The following HMBOX1 variants were observed in gnomAD, a reference collection of about 807,000 sequenced individuals.
The protein encoded by HMBOX1 is homeobox containing 1, also known as homeobox-containing protein 1.
In HMBOX1, 14 loss-of-function variants were observed where a neutral mutation model predicts 54.5. The observed-to-expected ratio is 0.26, with a 90% CI of 0.17 to 0.40. The LOEUF (loss-of-function observed/expected upper bound fraction) is 0.40. HMBOX1 is among the 10% of genes least tolerant of loss of function. The pLI is 1.00. For missense variants in HMBOX1, 332 were observed against 514.4 expected (o/e 0.65, Z 3.43); for synonymous variants, 160 against 181.0 (o/e 0.88, Z 0.93).
At chr8:28,927,851 A>G (rs1249928437) in intron 1 of HMBOX1, among the ~76,000 whole-genome samples, 2 of 150,676 alleles carry the variant, frequency 1.3e-5, no homozygotes, top group Non-Finnish European at 3.0e-5. Flanking sequence ...AAAAAAAAAA[A>G]AAAAGCCAGG....
chr8:28,938,537 C>T (rs1290750953), intron 1 of HMBOX1, among the ~76,000 whole-genome samples: 1 of 152,090 alleles, frequency 6.6e-6, no homozygotes, highest in Non-Finnish European at 1.5e-5. Context: ...GTCCCAAACT[C>T]CTGGGCTCAG....
At chr8:28,987,723 G>A (rs1830371143) in intron 4 of HMBOX1, among the ~76,000 whole-genome samples, 1 of 152,098 alleles carries the variant, frequency 6.6e-6, no homozygotes, top group Non-Finnish European at 1.5e-5. Context: ...GCTTAAGTAA[G>A]GAACTGATGC....
intron 6 of HMBOX1, among the ~76,000 whole-genome samples, chr8:29,031,940 G>A (rs1372408119): frequency 1.3e-5 from 2 of 152,164 alleles, no homozygotes; most frequent in Admixed American, 6.5e-5. Context: ...TTTCAATGAG[G>A]TGAGAAGAGG....
Position 28,915,343 on chromosome 8 carries a change from G to A in HMBOX1, c.-58+24665G>A, listed in dbSNP as rs532446712. Among the ~76,000 whole-genome samples, 23 of 152,032 alleles carry A rather than the reference G, an allele frequency of 1.5e-4. No homozygotes were observed. The South Asian group carries it at 2.9e-3, about 19-fold the overall frequency. ...GAAGCTGAGGCGGGCGGATCACAAGGTCAGGAGATGGAGACCATCCTGGCT... is the reference window on the plus strand; with the variant it reads ...GAAGCTGAGGCGGGCGGATCACAAGATCAGGAGATGGAGACCATCCTGGCT... On this transcript the variant is annotated intron_variant, in intron 1 of 9. Transcript: ENST00000287701.
At chr8:28,908,103 T>G (rs1224735890) in intron 1 of HMBOX1, among the ~76,000 whole-genome samples, 1 of 152,218 alleles carries the variant, frequency 6.6e-6, no homozygotes, top group African/African-American at 2.4e-5. Flanking sequence ...TTTGCCTGCA[T>G]CAGCCTCCCA....
At chr8:28,912,036 C>T (rs192668878) in intron 1 of HMBOX1, among the ~76,000 whole-genome samples, 153 of 152,310 alleles carry the variant, frequency 1.0e-3, no homozygotes, top group Middle Eastern at 3.4e-3. Context: ...TGGGCCAAAT[C>T]ATCTAACCAA....
intron 3 of HMBOX1, among the ~76,000 whole-genome samples, chr8:28,971,195 C>T (rs575472526): frequency 6.7e-5 from 10 of 149,448 alleles, no homozygotes; most frequent in East Asian, 4.0e-4. Flanking sequence ...CAGGTTCAAG[C>T]GATTCTCTTG....
intron 3 of HMBOX1, among the ~76,000 whole-genome samples, chr8:28,977,494 A>G (rs1477294457): frequency 6.6e-6 from 1 of 152,186 alleles, no homozygotes; most frequent in East Asian, 1.9e-4. Context: ...TCTCTTGTAC[A>G]CTGATTATTG....
intron 4 of HMBOX1, among the ~76,000 whole-genome samples, chr8:29,004,882 T>C (rs1833202306): frequency 6.6e-6 from 1 of 152,162 alleles, no homozygotes; most frequent in African/African-American, 2.4e-5. Flanking sequence ...CCAAAGCAGC[T>C]CAAAGCATGA....
intron 1 of HMBOX1, among the ~76,000 whole-genome samples, chr8:28,906,871 C>A (rs568511057): frequency 6.6e-6 from 1 of 152,210 alleles, no homozygotes; most frequent in East Asian, 1.9e-4. Flanking sequence ...GGATTACAGG[C>A]GTGAGCCACC....
At chr8:28,978,323 C>T (rs1828773067) in intron 3 of HMBOX1, among the ~76,000 whole-genome samples, 1 of 152,182 alleles carries the variant, frequency 6.6e-6, no homozygotes, top group Non-Finnish European at 1.5e-5. Context: ...AAATAGTCTA[C>T]AGAGAGATGT....
At chr8:28,921,163 C>CG (rs1295583849) in intron 1 of HMBOX1, among the ~76,000 whole-genome samples, 1 of 152,068 alleles carries the variant, frequency 6.6e-6, no homozygotes, top group African/African-American at 2.4e-5. Context: ...GGTAAAACCC[C>CG]GTCTATACTA....
At chr8:28,929,997 A>G (rs914796647) in intron 1 of HMBOX1, among the ~76,000 whole-genome samples, 7 of 125,704 alleles carry the variant, frequency 5.6e-5, no homozygotes, top group African/African-American at 2.2e-4. Flanking sequence ...CCTGCCTCCT[A>G]CATCAGCAGT....
At chr8:29,026,669 C>CT (rs1189776498) in intron 6 of HMBOX1, among the ~76,000 whole-genome samples, 27 of 152,178 alleles carry the variant, frequency 1.8e-4, no homozygotes, top group Admixed American at 1.8e-3. Context: ...GGTTGAATAA[C>CT]TAACTTCCTA....
intron 1 of HMBOX1, among the ~76,000 whole-genome samples, chr8:28,958,515 T>G (rs958722975): frequency 6.6e-6 from 1 of 152,196 alleles, no homozygotes; most frequent in Non-Finnish European, 1.5e-5. Flanking sequence ...ATGGTTAAAA[T>G]AATTTTTTAA....
intron 4 of HMBOX1, among the ~76,000 whole-genome samples, chr8:29,004,568 A>C (rs1007193783): frequency 6.6e-6 from 1 of 152,222 alleles, no homozygotes; most frequent in African/African-American, 2.4e-5. Context: ...AATGTGAATG[A>C]GGCTGGAAAG....
At chr8:28,984,516 A>G (rs1243349595) in intron 4 of HMBOX1, among the ~76,000 whole-genome samples, 1 of 152,202 alleles carries the variant, frequency 6.6e-6, no homozygotes, top group Non-Finnish European at 1.5e-5. Context: ...TATCCTACTG[A>G]TAGGAAAAAT....
chr8:28,903,659 CT>C (rs1813685422), intron 1 of HMBOX1, among the ~76,000 whole-genome samples: 1 of 152,044 alleles, frequency 6.6e-6, no homozygotes, highest in South Asian at 2.1e-4. Context: ...TATTTTTTGT[CT>C]TTCTTCCTGT....
chr8:28,963,393 T>C (rs545808260), intron 1 of HMBOX1, among the ~76,000 whole-genome samples: 114 of 152,362 alleles, frequency 7.5e-4, no homozygotes, highest in African/African-American at 2.7e-3. Context: ...ATTTTGCATA[T>C]ATCATTAGTC....
Sources: gnomAD v4.1 joint callset for allele counts (sites outside exome capture counted in the v4.1 genomes callset) on GRCh38, gnomAD v4.1.1 for gene constraint, MANE v1.5 for transcripts, NCBI Gene and HGNC (gene_info 2026-07-23, HGNC 2026-07-21) for gene names.